Variants in SEMA3D observed in about 807,000 individuals in gnomAD.
SEMA3D encodes the protein semaphorin 3D, also known as semaphorin-3D.
A neutral mutation model predicts 100.1 loss-of-function variants in SEMA3D; 84 were observed. The observed-to-expected ratio is 0.84, with a 90% CI of 0.70 to 1.01. SEMA3D has a LOEUF of 1.01. Among genes scored for constraint, SEMA3D ranks in the 50% least tolerant of loss-of-function variants. The pLI, the probability that SEMA3D is intolerant of heterozygous loss-of-function variation, is 0.00. For missense variants in SEMA3D, 875 were observed against 934.1 expected, an observed-to-expected ratio of 0.94 and a Z score of 0.82; for synonymous variants, 312 against 320.7, an observed-to-expected ratio of 0.97 and a Z score of 0.29.
intron 13 of SEMA3D, 127 bp downstream of exon 13, chr7:85,022,264 C>T (rs2115851439): frequency 1.5e-6 from 1 of 650,760 alleles, no homozygotes; most frequent in Non-Finnish European, 2.7e-6. Flanking sequence ...TTAAGAAATG[C>T]TGACAAGGTT....
At chr7:85,135,728 A>G (rs897708232) in intron 2 of SEMA3D, among the ~76,000 whole-genome samples, 11 of 150,486 alleles carry the variant, frequency 7.3e-5, no homozygotes, top group Admixed American at 3.3e-4. Flanking sequence ...GAAAAAAATC[A>G]ATTTGCAAAG....
At chr7:85,249,344 G>A in the SEMA3D span, among the ~76,000 whole-genome samples, 12 of 152,252 alleles carry the variant, frequency 7.9e-5, no homozygotes, top group South Asian at 4.1e-4. Flanking sequence ...AAGAAGAGCC[G>A]AAGGATACCT....
At chr7:85,137,282 T>C (rs1729088688) in intron 2 of SEMA3D, among the ~76,000 whole-genome samples, 1 of 151,914 alleles carries the variant, frequency 6.6e-6, no homozygotes, top group African/African-American at 2.4e-5. Flanking sequence ...ATATGTGATG[T>C]ATATATATGA....
At chr7:85,078,230 A>G (rs1006511040) in intron 5 of SEMA3D, among the ~76,000 whole-genome samples, 2 of 152,070 alleles carry the variant, frequency 1.3e-5, no homozygotes, top group African/African-American at 4.8e-5. Flanking sequence ...ATAATTTGCA[A>G]ACTTTCTACA....
At chr7:85,053,687 T>C (rs1478874011) in intron 9 of SEMA3D, among the ~76,000 whole-genome samples, 1 of 152,132 alleles carries the variant, frequency 6.6e-6, no homozygotes, top group Admixed American at 6.6e-5. Context: ...AAAGAAAGCA[T>C]TTAGAACCAA....
At chr7:85,040,285 G>A (rs1053604422) in intron 11 of SEMA3D, among the ~76,000 whole-genome samples, 4 of 151,884 alleles carry the variant, frequency 2.6e-5, no homozygotes, top group Admixed American at 1.3e-4. Context: ...GCCTGCATAT[G>A]CCTTTTATAC....
At chr7:85,061,663 T>G (rs1349703711) in intron 8 of SEMA3D, among the ~76,000 whole-genome samples, 1 of 152,172 alleles carries the variant, frequency 6.6e-6, no homozygotes, top group Non-Finnish European at 1.5e-5. Context: ...AAATGTTCTC[T>G]GAGCAAGCCA....
intron 12 of SEMA3D, among the ~76,000 whole-genome samples, chr7:85,031,493 G>C (rs920529962): frequency 6.6e-6 from 1 of 152,054 alleles, no homozygotes; most frequent in East Asian, 1.9e-4. Flanking sequence ...TACTTGTGCA[G>C]AGAATAGACA....
the SEMA3D span, among the ~76,000 whole-genome samples, chr7:85,214,328 A>AGTGTAAAGTG: frequency 6.6e-6 from 1 of 152,150 alleles, no homozygotes; most frequent in Non-Finnish European, 1.5e-5. Context: ...ACATATTGTA[A>AGTGTAAAGTG]TAAAGTGTTT....
intron 1 of SEMA3D, among the ~76,000 whole-genome samples, chr7:85,172,790 C>T (rs1407113082): frequency 6.6e-6 from 1 of 152,012 alleles, no homozygotes; most frequent in Non-Finnish European, 1.5e-5. Flanking sequence ...TACAAACGAT[C>T]CCGTCTCTGG....
chr7:85,047,594 G>T (rs2116028675), intron 9 of SEMA3D, among the ~76,000 whole-genome samples: 1 of 151,818 alleles, frequency 6.6e-6, no homozygotes, highest in East Asian at 1.9e-4. Flanking sequence ...TGTAATAATT[G>T]ACTTTCGGCT....
At chr7:85,065,315 T>A (rs1406444671) in intron 8 of SEMA3D, 109 bp downstream of exon 8, 5 of 974,934 alleles carry the variant, frequency 5.1e-6, no homozygotes, top group Non-Finnish European at 7.4e-6. Context: ...TTTATAATGT[T>A]GAGCTAAATT....
intron 2 of SEMA3D, among the ~76,000 whole-genome samples, chr7:85,139,201 G>A (rs532916410): frequency 1.3e-5 from 2 of 152,080 alleles, no homozygotes; most frequent in African/African-American, 4.8e-5. Context: ...TGTGGAGAAG[G>A]ACAATGAGAA....
chr7:85,134,355 T>G (rs1046249912), intron 2 of SEMA3D, among the ~76,000 whole-genome samples: 1 of 152,024 alleles, frequency 6.6e-6, no homozygotes, highest in African/African-American at 2.4e-5. Context: ...AACCTAAAGT[T>G]ATTTTTGAAG....
chr7:85,065,972 C>T (rs1209145361), intron 7 of SEMA3D, among the ~76,000 whole-genome samples: 2 of 152,162 alleles, frequency 1.3e-5, no homozygotes, highest in African/African-American at 4.8e-5. Flanking sequence ...ATTTACTTAA[C>T]TGACACAACC....
intron 2 of SEMA3D, chr7:85,141,541 T>C: frequency 4.1e-6 from 4 of 984,938 alleles, no homozygotes; most frequent in Non-Finnish European, 4.8e-6. Context: ...ACAAAGTCTT[T>C]CTAAGGATAG....
intron 6 of SEMA3D, among the ~76,000 whole-genome samples, chr7:85,072,110 G>A (rs1791791660): frequency 6.6e-6 from 1 of 152,120 alleles, no homozygotes. Context: ...AAATTCCAAA[G>A]CAATAATCCA....
chr7:85,221,909 T>C, the SEMA3D span, among the ~76,000 whole-genome samples: 2 of 152,034 alleles, frequency 1.3e-5, no homozygotes, highest in Admixed American at 6.6e-5. Context: ...TAGGTTAATA[T>C]GTATATTAAC....
At chr7:85,057,880 G>A (rs902499301) in intron 8 of SEMA3D, among the ~76,000 whole-genome samples, 2 of 151,532 alleles carry the variant, frequency 1.3e-5, no homozygotes, top group African/African-American at 4.9e-5. Context: ...GTAGAGAGCC[G>A]AGATCACACC....
Sources: allele counts gnomAD v4.1 joint callset (sites outside exome capture counted in the v4.1 genomes callset), GRCh38; gene constraint gnomAD v4.1.1; transcripts MANE v1.5; gene names NCBI Gene and HGNC (gene_info 2026-07-23, HGNC 2026-07-21).